The following RAB31 variants were observed in gnomAD, a reference collection of about 807,000 sequenced individuals.
RAB31 encodes the protein ras-related protein Rab-31.
RAB31 carries 21 observed loss-of-function variants against 25.6 expected under a neutral mutation model. That is an observed-to-expected ratio of 0.82 (90% CI 0.58 to 1.18). The LOEUF (loss-of-function observed/expected upper bound fraction) is 1.18, where lower values mean the gene tolerates loss of function less well. RAB31 is among the 50% of genes most tolerant of loss of function. The pLI is 0.00. For missense variants in RAB31, 196 were observed against 250.1 expected, an observed-to-expected ratio of 0.78 and a Z score of 1.46; for synonymous variants, 87 against 84.0, an observed-to-expected ratio of 1.04 and a Z score of -0.20.
intron 3 of RAB31, among the ~76,000 whole-genome samples, chr18:9,803,618 T>C (rs2068524954): frequency 6.6e-6 from 1 of 151,956 alleles, no homozygotes; most frequent in African/African-American, 2.4e-5. Context: ...GCTGTTGAAG[T>C]GAGATAAACA....
chr18:9,773,179 C>A (rs1479677778), intron 1 of RAB31, among the ~76,000 whole-genome samples: 1 of 151,924 alleles, frequency 6.6e-6, no homozygotes, highest in Admixed American at 6.6e-5. Flanking sequence ...AAAGCCAAGT[C>A]CCCTGTTGCC....
intron 3 of RAB31, among the ~76,000 whole-genome samples, chr18:9,803,240 C>CTTTTT (rs60889612): frequency 0.036 from 5,103 of 141,570 alleles, 103 homozygotes; most frequent in Non-Finnish European, 0.045. Context: ...TTTTTCCTTT[C>CTTTTT]TTTTTTTTTT....
intron 5 of RAB31, among the ~76,000 whole-genome samples, chr18:9,834,921 G>A (rs914436724): frequency 6.6e-6 from 1 of 152,092 alleles, no homozygotes; most frequent in Non-Finnish European, 1.5e-5. Context: ...CTTTCAAATG[G>A]CACAATTTTT....
chr18:9,713,907 C>T (rs184868353), intron 1 of RAB31, among the ~76,000 whole-genome samples: 13 of 152,258 alleles, frequency 8.5e-5, no homozygotes, highest in Middle Eastern at 6.8e-3. Flanking sequence ...CTTATAAGGA[C>T]GCCAACCCCA....
At chr18:9,812,777 A>G (rs1052876895) in intron 3 of RAB31, among the ~76,000 whole-genome samples, 4 of 138,210 alleles carry the variant, frequency 2.9e-5, no homozygotes, top group Non-Finnish European at 4.5e-5. Context: ...AGCTCACTGC[A>G]ACCTCTGCCT....
At chr18:9,853,391 G>A (rs972078224) in intron 6 of RAB31, among the ~76,000 whole-genome samples, 2 of 152,204 alleles carry the variant, frequency 1.3e-5, no homozygotes, top group Non-Finnish European at 2.9e-5. Context: ...AAATGTGGAA[G>A]AACCTTAAAT....
chr18:9,711,628 C>G (rs1191693603), intron 1 of RAB31, among the ~76,000 whole-genome samples: 1 of 152,180 alleles, frequency 6.6e-6, no homozygotes, highest in African/African-American at 2.4e-5. Context: ...CTCATTTGTG[C>G]TTTGCGTAGG....
intron 2 of RAB31, among the ~76,000 whole-genome samples, chr18:9,777,786 G>A (rs969452212): frequency 8.7e-6 from 1 of 115,420 alleles, no homozygotes. Flanking sequence ...ACGGCGTCTT[G>A]CTCTGTCGCC....
At chr18:9,769,673 C>T (rs1419197217) in intron 1 of RAB31, among the ~76,000 whole-genome samples, 1 of 152,124 alleles carries the variant, frequency 6.6e-6, no homozygotes, top group Non-Finnish European at 1.5e-5. Flanking sequence ...ATTTGAATAC[C>T]CTTTTTTTCT....
chr18:9,822,513 T>C (rs35024660), intron 5 of RAB31, among the ~76,000 whole-genome samples: 31,331 of 152,046 alleles, frequency 0.21, 3,947 homozygotes, highest in Non-Finnish European at 0.29. Flanking sequence ...AATATTGAGG[T>C]GTGAAGAGGA....
At chr18:9,717,531 A>T (rs2068050818) in intron 1 of RAB31, among the ~76,000 whole-genome samples, 1 of 151,154 alleles carries the variant, frequency 6.6e-6, no homozygotes. Context: ...CTATCAATGT[A>T]TTTTTTTTTG....
intron 3 of RAB31, among the ~76,000 whole-genome samples, chr18:9,800,433 T>C (rs1441331077): frequency 6.6e-6 from 1 of 152,366 alleles, no homozygotes; most frequent in East Asian, 1.9e-4. Flanking sequence ...TCCATGGCTC[T>C]GAAGATATAT....
At chr18:9,791,347 G>T (rs4798854) in intron 2 of RAB31, among the ~76,000 whole-genome samples, 30,194 of 148,458 alleles carry the variant, frequency 0.2, 3,500 homozygotes, top group East Asian at 0.45. Flanking sequence ...AGATCTGGGG[G>T]TATTTTAATA....
chr18:9,716,877 T>C (rs543437740), intron 1 of RAB31, among the ~76,000 whole-genome samples: 26 of 150,776 alleles, frequency 1.7e-4, no homozygotes, highest in South Asian at 6.4e-4. Context: ...CCTGAGTAGC[T>C]GGGACTACAG....
In RAB31 at chr18:9,859,374, T is replaced by C; in HGVS notation, c.*49T>C. ...CTTGAAGAAGCCAGAGCCCACATCC[T>C]GTGCACTGCTGAAGGACCCTACGCT... On this transcript the variant is annotated 3_prime_UTR_variant, in exon 7 of 7. Transcript: ENST00000578921. 6.6e-7 allele frequency: 1 copy of C among 1,505,796 alleles called. No homozygotes were observed. Among genetic ancestry groups the C allele is most frequent in the Non-Finnish European group, 9.2e-7 (1 of 1,083,688 alleles). 93.3% of individuals were successfully genotyped at this position (1,505,796 alleles called of 1,614,324 possible). A position where few individuals can be genotyped will look rare whatever the true frequency, so the allele number is the denominator to read the frequency against.
intron 5 of RAB31, among the ~76,000 whole-genome samples, chr18:9,842,006 C>A (rs147579874): frequency 6.6e-6 from 1 of 152,068 alleles, no homozygotes; most frequent in Non-Finnish European, 1.5e-5. Context: ...AGGCCCGAAA[C>A]AAAGGCCTCC....
At chr18:9,813,767 G>A (rs868154450) in intron 3 of RAB31, among the ~76,000 whole-genome samples, 4 of 152,098 alleles carry the variant, frequency 2.6e-5, no homozygotes, top group African/African-American at 9.7e-5. Context: ...CATGAGAATC[G>A]CTTGAACCTA....
intron 1 of RAB31, among the ~76,000 whole-genome samples, chr18:9,741,859 A>G (rs907980010): frequency 3.9e-5 from 6 of 152,342 alleles, no homozygotes; most frequent in Non-Finnish European, 8.8e-5. Context: ...TGAGCGGGAC[A>G]TACCCCTCAT....
chr18:9,716,702 T>A (rs1249781343), intron 1 of RAB31, among the ~76,000 whole-genome samples: 1 of 152,114 alleles, frequency 6.6e-6, no homozygotes, highest in Non-Finnish European at 1.5e-5. Flanking sequence ...GCCAGAGTGG[T>A]CTTTTTTGTT....
Sources: gnomAD v4.1 joint callset for allele counts (sites outside exome capture counted in the v4.1 genomes callset) on GRCh38, gnomAD v4.1.1 for gene constraint, MANE v1.5 for transcripts, NCBI Gene and HGNC (gene_info 2026-07-23, HGNC 2026-07-21) for gene names.